Variants in VPS41 observed in about 807,000 individuals in gnomAD.
VPS41 encodes vacuolar protein sorting-associated protein 41 homolog.
A neutral mutation model predicts 130.9 loss-of-function variants in VPS41; 85 were observed. The ratio of observed to expected loss-of-function variants is 0.65; its 90% CI spans 0.55 to 0.78. The LOEUF is 0.78. Ranked by LOEUF, VPS41 falls within the 30% of genes least tolerant of loss-of-function variation. The probability of loss-of-function intolerance (pLI) is 0.00; values close to 1 mark genes in which losing one functional copy is unlikely to be tolerated. For missense variants in VPS41, 874 were observed against 1,018.7 expected, an observed-to-expected ratio of 0.86 and a Z score of 1.93; for synonymous variants, 335 against 332.9, an observed-to-expected ratio of 1.01 and a Z score of -0.07.
rs369624439 is a variant in VPS41, at chr7:38,883,189, G to A, written c.61-13936C>T. Among the ~76,000 whole-genome samples, 4 of 152,320 alleles carry A rather than the reference G, an allele frequency of 2.6e-5. No homozygotes were observed. In the East Asian group the frequency reaches 7.7e-4, roughly 29 times the overall value. ...ACCTGGGAGGCAGAGGTTGCAGTGA[G>A]CCGAGATCGGCCGCTGCGCTCCAGC... On this transcript the variant is annotated intron_variant, in intron 2 of 28. Transcript: ENST00000310301.
At chr7:38,858,037 C>A (rs1413504790) in intron 4 of VPS41, among the ~76,000 whole-genome samples, 1 of 152,174 alleles carries the variant, frequency 6.6e-6, no homozygotes, top group East Asian at 1.9e-4. Flanking sequence ...GTTGTGAAGA[C>A]CAAGGTTCTT....
At chr7:38,789,583 G>A (rs1784497656) in intron 10 of VPS41, among the ~76,000 whole-genome samples, 1 of 152,138 alleles carries the variant, frequency 6.6e-6, no homozygotes, top group South Asian at 2.1e-4. Context: ...CTCTGAGAAC[G>A]ATGTGGAGGA....
chr7:38,816,768 C>T (rs1057465279), intron 7 of VPS41, among the ~76,000 whole-genome samples: 1 of 152,064 alleles, frequency 6.6e-6, no homozygotes, highest in Admixed American at 6.5e-5. Context: ...TTTTAAGAGA[C>T]AGGGTCTTGC....
chr7:38,903,908 G>A (rs550523119), intron 1 of VPS41, among the ~76,000 whole-genome samples: 1 of 152,234 alleles, frequency 6.6e-6, no homozygotes, highest in South Asian at 2.1e-4. Flanking sequence ...GAAAAATCTT[G>A]ACGTGTGCCC....
At chr7:38,749,803 T>A (rs568721613) in intron 22 of VPS41, among the ~76,000 whole-genome samples, 1 of 152,356 alleles carries the variant, frequency 6.6e-6, no homozygotes, top group Non-Finnish European at 1.5e-5. Context: ...TCATGTCACA[T>A]GTAAACATAA....
At chr7:38,788,462 C>T (rs1248263531) in intron 10 of VPS41, among the ~76,000 whole-genome samples, 1 of 152,158 alleles carries the variant, frequency 6.6e-6, no homozygotes, top group African/African-American at 2.4e-5. Context: ...ACAATGCCCT[C>T]CACCTAGTAC....
At chr7:38,745,730 A>G (rs1200589932) in intron 22 of VPS41, 117 bp from the exon 23 acceptor site, 2 of 786,622 alleles carry the variant, frequency 2.5e-6, no homozygotes, top group Non-Finnish European at 4.3e-6. Context: ...TAAAAATAAA[A>G]CAAAGCAAAC....
chr7:38,746,921 G>A (rs1475731127), intron 22 of VPS41, among the ~76,000 whole-genome samples: 1 of 152,150 alleles, frequency 6.6e-6, no homozygotes, highest in East Asian at 1.9e-4. Flanking sequence ...ACGAACAAGA[G>A]GAAGGAGCCC....
chr7:38,853,075 A>T (rs910012241), intron 4 of VPS41, among the ~76,000 whole-genome samples: 3 of 152,138 alleles, frequency 2.0e-5, no homozygotes, highest in Non-Finnish European at 2.9e-5. Context: ...ATACATGAAG[A>T]CAAGAAGTCC....
chr7:38,733,311 T>C (rs1795704008), intron 25 of VPS41, among the ~76,000 whole-genome samples: 2 of 152,244 alleles, frequency 1.3e-5, no homozygotes, highest in South Asian at 4.1e-4. Flanking sequence ...TTCTGAGTTT[T>C]CGAAGATATT....
At position 38,743,305 on chromosome 7, in the gene VPS41, C is replaced by T. The variant is rs10254354; in HGVS notation, c.2122+97G>A. 0.91 allele frequency: 1,293,350 copies of T among 1,425,412 alleles called. 587,301 individuals are homozygous for T. The highest frequency in any genetic ancestry group is 0.99 in the East Asian group (42,763 of 43,146). The allele number at this position is 1,425,412 out of a possible 1,614,324, so 88.3% of individuals were successfully genotyped here. A position where few individuals can be genotyped will look rare whatever the true frequency, so the allele number is the denominator to read the frequency against. ...TTTATTGTAGGTACGCTACCATTTT[C>T]TTAACCCAATGTATCTTGAAATAGT... On this transcript the variant is annotated intron_variant, in intron 24 of 28. Coordinates refer to ENST00000310301, the MANE Select transcript of VPS41 (RefSeq NM_014396.4).
chr7:38,726,909 C>T lies in VPS41; in HGVS notation c.2484G>A (p.Met828Ile), dbSNP rs754332978. The T allele has an allele frequency of 2.6e-6, 4 of 1,554,936 alleles. No homozygotes were observed. Among genetic ancestry groups the T allele is most frequent in the Non-Finnish European group, 2.6e-6 (3 of 1,152,146 alleles). The change falls in exon 28 of 29, where the codon ATG (methionine) becomes ATA (isoleucine). Residue 828 changes from methionine (M) to isoleucine (I), a missense_variant and splice_region_variant. Coordinates refer to ENST00000310301, the MANE Select transcript of VPS41 (RefSeq NM_014396.4). ...GATAGGTGCCAAGCTGCCAACTCAC[C>T]ATGCTGGGCATGGGCAGGCACTCCT... ...FHKECLPMPS[M>I]NSAAQFCNIC...
intron 9 of VPS41, among the ~76,000 whole-genome samples, chr7:38,790,499 G>GA (rs919488109): frequency 1.4e-4 from 20 of 146,458 alleles, no homozygotes; most frequent in African/African-American, 2.5e-4. Context: ...AAATATTCAG[G>GA]AAAAAAAAAA....
At chr7:38,862,681 G>C in intron 3 of VPS41, 59 bp from the exon 4 acceptor site, 3 of 1,060,564 alleles carry the variant, frequency 2.8e-6, no homozygotes, top group Non-Finnish European at 4.2e-6. Flanking sequence ...TACACAAGTA[G>C]TAACAAAACC....
At chr7:38,885,968 CAA>C (rs1238712412) in intron 2 of VPS41, among the ~76,000 whole-genome samples, 2 of 151,902 alleles carry the variant, frequency 1.3e-5, no homozygotes, top group Admixed American at 1.3e-4. Context: ...GAGGATAGAT[CAA>C]GAGAATGTAT....
chr7:38,772,748 G>A (rs1784178679), intron 12 of VPS41, 111 bp from the exon 13 acceptor site: 1 of 626,680 alleles, frequency 1.6e-6, no homozygotes, highest in Non-Finnish European at 2.8e-6. Context: ...CAGAAAATGT[G>A]TCTATCTTTG....
chr7:38,825,211 T>G, intron 5 of VPS41, among the ~76,000 whole-genome samples: 1 of 152,232 alleles, frequency 6.6e-6, no homozygotes, highest in East Asian at 1.9e-4. Context: ...CTGGTCAGTT[T>G]CTATTACTAT....
chr7:38,743,632 T>G, intron 23 of VPS41, 90 bp from the exon 24 acceptor site: 1 of 1,468,508 alleles, frequency 6.8e-7, no homozygotes, highest in Non-Finnish European at 9.3e-7. Flanking sequence ...TTTGTTTACA[T>G]AGGTGGAAAG....
chr7:38,823,020 C>T (rs992197484), intron 5 of VPS41, among the ~76,000 whole-genome samples: 8 of 152,164 alleles, frequency 5.3e-5, no homozygotes, highest in Admixed American at 5.2e-4. Flanking sequence ...TAGGAATTCA[C>T]TGGTGAAGCC....
Sources: gnomAD v4.1 joint callset for allele counts (sites outside exome capture counted in the v4.1 genomes callset) on GRCh38, gnomAD v4.1.1 for gene constraint, MANE v1.5 for transcripts, NCBI Gene and HGNC (gene_info 2026-07-23, HGNC 2026-07-21) for gene names.